IMMP2L: variants seen among roughly 807,000 people sequenced by gnomAD.
The protein encoded by IMMP2L is inner mitochondrial membrane peptidase subunit 2, also known as mitochondrial inner membrane protease subunit 2.
IMMP2L carries 18 observed loss-of-function variants against 19.3 expected under a neutral mutation model. That is an observed-to-expected ratio of 0.93 (90% CI 0.64 to 1.38). IMMP2L has a LOEUF of 1.38. Among genes scored for constraint, IMMP2L ranks in the 40% most tolerant of loss-of-function variants. The pLI, the probability that IMMP2L is intolerant of heterozygous loss-of-function variation, is 0.00. For missense variants in IMMP2L, 233 were observed against 218.2 expected, an observed-to-expected ratio of 1.07 and a Z score of -0.43; for synonymous variants, 76 against 73.0, an observed-to-expected ratio of 1.04 and a Z score of -0.21.
chr7:111,181,846 T>C (rs1807744940), intron 3 of IMMP2L, among the ~76,000 whole-genome samples: 1 of 152,034 alleles, frequency 6.6e-6, no homozygotes, highest in African/African-American at 2.4e-5. Context: ...TGCTTACTTC[T>C]TACGGCTAAA....
At chr7:111,539,206 GAAAGAA>G (rs1563330819) in intron 1 of IMMP2L, among the ~76,000 whole-genome samples, 2,450 of 40,892 alleles carry the variant, frequency 0.06, 283 homozygotes, top group Middle Eastern at 0.17. Flanking sequence ...GAGAAAGAAA[GAAAGAA>G]AGAAAGAAAG....
intron 3 of IMMP2L, among the ~76,000 whole-genome samples, chr7:111,301,905 T>C (rs1053897877): frequency 1.6e-5 from 2 of 128,190 alleles, no homozygotes; most frequent in East Asian, 2.4e-4. Flanking sequence ...AATTACGCCA[T>C]GTCAGTTTCA....
intron 3 of IMMP2L, among the ~76,000 whole-genome samples, chr7:111,173,466 TTAAG>T (rs1297847365): frequency 1.3e-5 from 2 of 151,562 alleles, no homozygotes; most frequent in Non-Finnish European, 3.0e-5. Context: ...GCTGAGAACG[TTAAG>T]TTAGTGTCTA....
At chr7:111,214,955 A>G (rs2129619556) in intron 3 of IMMP2L, among the ~76,000 whole-genome samples, 1 of 152,224 alleles carries the variant, frequency 6.6e-6, no homozygotes, top group Middle Eastern at 3.4e-3. Flanking sequence ...AAAAACTCCA[A>G]ACTTAAGTCT....
chr7:111,519,033 T>C (rs1481245900), intron 2 of IMMP2L, among the ~76,000 whole-genome samples: 2 of 152,150 alleles, frequency 1.3e-5, no homozygotes, highest in African/African-American at 4.8e-5. Context: ...TACCCCATTC[T>C]GGTGGCCAAA....
intron 5 of IMMP2L, among the ~76,000 whole-genome samples, chr7:110,856,179 A>C (rs1238230698): frequency 6.6e-6 from 1 of 152,032 alleles, no homozygotes; most frequent in Admixed American, 6.6e-5. Flanking sequence ...ATTATATCAA[A>C]ATTACTAAAG....
At chr7:110,833,288 AAGT>A (rs1804131481) in intron 5 of IMMP2L, among the ~76,000 whole-genome samples, 1 of 151,872 alleles carries the variant, frequency 6.6e-6, no homozygotes, top group African/African-American at 2.4e-5. Context: ...AAAATACAAA[AAGT>A]AGCAGGGTGT....
At chr7:111,340,598 C>T (rs955507781) in intron 3 of IMMP2L, among the ~76,000 whole-genome samples, 2 of 151,970 alleles carry the variant, frequency 1.3e-5, no homozygotes, top group African/African-American at 4.8e-5. Context: ...CCCAGGAAGT[C>T]CACTCCTAGA....
At chr7:111,039,919 A>T (rs1791725941) in intron 3 of IMMP2L, among the ~76,000 whole-genome samples, 1 of 152,182 alleles carries the variant, frequency 6.6e-6, no homozygotes, top group Non-Finnish European at 1.5e-5. Flanking sequence ...TAATCCCAGC[A>T]CTTTGGGAGG....
At chr7:110,964,107 C>T (rs980386130) in intron 3 of IMMP2L, among the ~76,000 whole-genome samples, 12 of 152,128 alleles carry the variant, frequency 7.9e-5, no homozygotes, top group East Asian at 1.9e-4. Context: ...TGCCTCACTT[C>T]CCCGTATCCT....
chr7:110,873,590 C>T (rs1268783874), intron 5 of IMMP2L, among the ~76,000 whole-genome samples: 1 of 150,244 alleles, frequency 6.7e-6, no homozygotes, highest in East Asian at 1.9e-4. Flanking sequence ...ATGGTGAAAC[C>T]CCGTCTTTAC....
At chr7:111,376,941 T>C (rs1830728847) in intron 3 of IMMP2L, among the ~76,000 whole-genome samples, 1 of 152,006 alleles carries the variant, frequency 6.6e-6, no homozygotes, top group Non-Finnish European at 1.5e-5. Flanking sequence ...GGGTTTTCTT[T>C]GAGGGTAATA....
At chr7:110,930,985 G>A (rs888897552) in intron 4 of IMMP2L, among the ~76,000 whole-genome samples, 6 of 152,034 alleles carry the variant, frequency 3.9e-5, no homozygotes, top group East Asian at 1.9e-4. Flanking sequence ...TACCCCATTC[G>A]GGCCAGAAAA....
intron 5 of IMMP2L, among the ~76,000 whole-genome samples, chr7:110,811,448 C>A (rs1802029958): frequency 6.6e-6 from 1 of 151,972 alleles, no homozygotes; most frequent in Non-Finnish European, 1.5e-5. Flanking sequence ...TAAGGGATGG[C>A]AATTTATTAT....
intron 3 of IMMP2L, among the ~76,000 whole-genome samples, chr7:111,164,141 GAGGAAGGAAGGA>G (rs148915362): frequency 2.0e-5 from 3 of 150,104 alleles, no homozygotes; most frequent in Non-Finnish European, 4.4e-5. Flanking sequence ...GAGAGGGAGA[GAGGAAGGAAGGA>G]AGGAAGGAAG....
intron 5 of IMMP2L, among the ~76,000 whole-genome samples, chr7:110,739,688 A>C (rs1407929461): frequency 2.6e-5 from 4 of 152,208 alleles, no homozygotes; most frequent in Non-Finnish European, 5.9e-5. Context: ...CAGTGGACTT[A>C]AACTATTCCC....
At chr7:110,900,405 C>T (rs944323838) in intron 4 of IMMP2L, among the ~76,000 whole-genome samples, 3 of 152,142 alleles carry the variant, frequency 2.0e-5, no homozygotes, top group Admixed American at 6.5e-5. Flanking sequence ...ACAACAATCT[C>T]GCTCCTTTCC....
rs147899941 is a variant in IMMP2L, at chr7:111,432,267, T to C, written c.239+54971A>G. On this transcript the variant is annotated intron_variant, in intron 3 of 5. Coordinates refer to ENST00000405709, the MANE Select transcript of IMMP2L (RefSeq NM_032549.4). ...CACATATGGTCACAGCAGTCTTCTG[T>C]GTTGATGATTGTTGTGGTGTTAGAG... Among the ~76,000 whole-genome samples the C allele has an allele frequency of 3.5e-3, 525 of 151,788 alleles. 20 individuals carry two copies. The highest frequency in any genetic ancestry group is 0.012 in the African/African-American group (503 of 41,174).
intron 2 of IMMP2L, among the ~76,000 whole-genome samples, chr7:111,493,574 G>A (rs1474768466): frequency 6.6e-6 from 1 of 151,854 alleles, no homozygotes; most frequent in Admixed American, 6.6e-5. Context: ...GCGTGGGGGC[G>A]GGCGCCTGTA....
Sources: allele counts gnomAD v4.1 joint callset (sites outside exome capture counted in the v4.1 genomes callset), GRCh38; gene constraint gnomAD v4.1.1; transcripts MANE v1.5; gene names NCBI Gene and HGNC (gene_info 2026-07-23, HGNC 2026-07-21).